The following ZNF608 variants were observed in gnomAD, a reference collection of about 807,000 sequenced individuals.
The protein encoded by ZNF608 is zinc finger protein 608, also known as renal carcinoma antigen NY-REN-36.
A neutral mutation model predicts 109.0 loss-of-function variants in ZNF608; 12 were observed. That is an observed-to-expected ratio of 0.11 (90% CI 0.07 to 0.18). The LOEUF (loss-of-function observed/expected upper bound fraction) is 0.18. Among genes scored for constraint, ZNF608 ranks in the 10% least tolerant of loss-of-function variants. ZNF608 has a pLI of 1.00. For synonymous variants in ZNF608, 732 were observed against 717.4 expected, an observed-to-expected ratio of 1.02 and a Z score of -0.33; for missense variants, 1,707 against 1,879.3, an observed-to-expected ratio of 0.91 and a Z score of 1.70.
Position 124,665,111 on chromosome 5 carries a change from G to A in ZNF608, c.1163-15414C>T, listed in dbSNP as rs141573381. On this transcript the variant is annotated intron_variant, in intron 3 of 9. Transcript: ENST00000513986. ...GAATGGCTTAAACCCAGGAGGCGGA[G>A]GTTGCAGTGAGATGAGATTGTGCCA... is the stretch of plus-strand genomic sequence containing the variant. 2.4e-3 allele frequency among the ~76,000 whole-genome samples: 361 copies of A among 151,958 alleles called. 2 individuals carry two copies. The highest frequency in any genetic ancestry group is 8.0e-3 in the African/African-American group (333 of 41,384).
Position 124,649,706 on chromosome 5 carries a change from G to A in ZNF608, c.1163-9C>T. The A allele has an allele frequency of 2.6e-6, 4 of 1,555,570 alleles. No individual in the cohort carries two copies. The highest frequency in any genetic ancestry group is 3.5e-6 in the Non-Finnish European group (4 of 1,142,782). ...ATTGACCACTAGGACACCTGCAGGA[G>A]GCAGGGGATGAAAAAGGATCATAGT... On this transcript the variant is annotated splice_polypyrimidine_tract_variant and intron_variant, in intron 3 of 9. Coordinates refer to ENST00000513986, the MANE Select transcript of ZNF608 (RefSeq NM_020747.3).
At chr5:124,695,197 C>T (rs1752799564) in intron 3 of ZNF608, among the ~76,000 whole-genome samples, 1 of 152,182 alleles carries the variant, frequency 6.6e-6, no homozygotes, top group African/African-American at 2.4e-5. Flanking sequence ...GAAATACAGA[C>T]ATCTTATTCC....
At chr5:124,658,892 T>C (rs1751126209) in intron 3 of ZNF608, among the ~76,000 whole-genome samples, 1 of 152,206 alleles carries the variant, frequency 6.6e-6, no homozygotes, top group South Asian at 2.1e-4. Flanking sequence ...AGGCCTACTA[T>C]GAGCCATAAT....
intron 2 of ZNF608, among the ~76,000 whole-genome samples, chr5:124,739,443 C>T (rs1032172523): frequency 2.0e-5 from 3 of 152,182 alleles, no homozygotes; most frequent in Non-Finnish European, 4.4e-5. Flanking sequence ...AACTGATAAA[C>T]GCTGACCAGA....
chr5:124,667,761 T>C (rs1016857412), intron 3 of ZNF608, among the ~76,000 whole-genome samples: 1 of 152,220 alleles, frequency 6.6e-6, no homozygotes, highest in Non-Finnish European at 1.5e-5. Flanking sequence ...TACTATATTA[T>C]GGTATCTCTA....
At chr5:124,717,263 C>G (rs914834684) in intron 2 of ZNF608, among the ~76,000 whole-genome samples, 2 of 151,916 alleles carry the variant, frequency 1.3e-5, no homozygotes, top group Non-Finnish European at 2.9e-5. Flanking sequence ...GTCGGGAGTT[C>G]GAGACCCACC....
chr5:124,715,339 A>C (rs1057453219), intron 2 of ZNF608, among the ~76,000 whole-genome samples: 1 of 152,244 alleles, frequency 6.6e-6, no homozygotes, highest in Non-Finnish European at 1.5e-5. Context: ...CTCTCTTGGC[A>C]TCACGTTTCC....
rs34192958 is a variant in ZNF608 at position 124,741,394 on chromosome 5, GAAAAAAAAA to G, written c.906+2681_906+2689del. Among the ~76,000 whole-genome samples, 18 of 68,428 alleles carry G rather than the reference GAAAAAAAAA, an allele frequency of 2.6e-4. 1 individual carries two copies. The highest frequency in any genetic ancestry group is 8.0e-4 in the African/African-American group (14 of 17,572). The allele number at this position is 68,428 out of a possible 152,430, so 44.9% of individuals were successfully genotyped here. Reference sequence around the variant, plus strand: ...GAATCTCCTGTGAACCTTCCAACCAGAAAAAAAAAAAAAAAAAAAAAAAAATGCACACAC... The same window carrying G: ...GAATCTCCTGTGAACCTTCCAACCAGAAAAAAAAAAAAAAAATGCACACAC... On this transcript the variant is annotated intron_variant, in intron 2 of 9. Transcript: ENST00000513986.
intron 3 of ZNF608, among the ~76,000 whole-genome samples, chr5:124,681,387 G>A (rs1752190465): frequency 6.6e-6 from 1 of 152,112 alleles, no homozygotes; most frequent in Non-Finnish European, 1.5e-5. Flanking sequence ...AACTAAGGAG[G>A]CGAAGGTTTC....
Position 124,744,068 on chromosome 5 carries a change from G to A in ZNF608, c.906+16C>T. 1.3e-6 allele frequency: 2 copies of A among 1,564,014 alleles called. No individual in the cohort carries two copies. Among genetic ancestry groups the A allele is most frequent in the Non-Finnish European group, 1.7e-6 (2 of 1,155,046 alleles). The stretch of plus-strand genomic sequence containing the variant: ...CAGAGGAGAGTAGGACATCTAGGAA[G>A]GCGACTTTATCCTACCTTCTCAGTT... On this transcript the variant is annotated intron_variant, in intron 2 of 9. Coordinates refer to ENST00000513986, the MANE Select transcript of ZNF608 (RefSeq NM_020747.3). This position sits in a 1 kb window ranked among gnomAD's most constrained non-coding sequence, Gnocchi z 4.5.
chr5:124,676,229 G>A (rs1398673954), intron 3 of ZNF608, among the ~76,000 whole-genome samples: 2 of 152,194 alleles, frequency 1.3e-5, no homozygotes, highest in African/African-American at 2.4e-5. Flanking sequence ...AGCCATCTGA[G>A]GGGCGAGTGC....
Position 124,643,760 on chromosome 5 carries a change from G to A in ZNF608, c.4124-77C>T, listed in dbSNP as rs997034077. On this transcript the variant is annotated intron_variant, in intron 6 of 9. Transcript: ENST00000513986. ...AAAATCATTTGGGTTACATGAATTT[G>A]GGATAAGAGTCAAAGAGATCTTAAA... 13 of 1,468,768 alleles carry A rather than the reference G, an allele frequency of 8.9e-6. No homozygotes were observed. In the African/African-American group the frequency reaches 1.7e-4, roughly 19 times the overall value. 91.0% of individuals were successfully genotyped at this position (1,468,768 alleles called of 1,614,324 possible).
chr5:124,672,727 A>G (rs1474536932), intron 3 of ZNF608, among the ~76,000 whole-genome samples: 1 of 152,242 alleles, frequency 6.6e-6, no homozygotes, highest in African/African-American at 2.4e-5. Context: ...ACCAGGGGAA[A>G]AGTGATTACC....
intron 2 of ZNF608, among the ~76,000 whole-genome samples, chr5:124,727,073 A>G (rs1748642713): frequency 6.6e-6 from 1 of 152,222 alleles, no homozygotes; most frequent in Admixed American, 6.5e-5. Flanking sequence ...CTACACTTCA[A>G]CTTCATCCCT....
intron 3 of ZNF608, among the ~76,000 whole-genome samples, chr5:124,669,038 C>T (rs1424477567): frequency 6.6e-6 from 1 of 152,000 alleles, no homozygotes; most frequent in Non-Finnish European, 1.5e-5. Flanking sequence ...TTGCAAAGGG[C>T]ATACTGCTAA....
At chr5:124,688,376 G>A (rs1298043648) in intron 3 of ZNF608, among the ~76,000 whole-genome samples, 1 of 152,112 alleles carries the variant, frequency 6.6e-6, no homozygotes. Context: ...TTACTATAAG[G>A]AGAAAGTCTC....
intron 3 of ZNF608, among the ~76,000 whole-genome samples, chr5:124,698,316 G>A (rs1171195448): frequency 6.6e-6 from 1 of 152,198 alleles, no homozygotes; most frequent in Non-Finnish European, 1.5e-5. Flanking sequence ...CTTGCAAATG[G>A]TTGCACATTA....
At chr5:124,641,019 C>G (rs914888934) in intron 8 of ZNF608, among the ~76,000 whole-genome samples, 4 of 152,170 alleles carry the variant, frequency 2.6e-5, no homozygotes, top group African/African-American at 7.2e-5. Context: ...TAACAGTAAG[C>G]TGCCGATAAC....
chr5:124,679,773 G>A (rs192915509), intron 3 of ZNF608, among the ~76,000 whole-genome samples: 2 of 152,310 alleles, frequency 1.3e-5, no homozygotes, highest in African/African-American at 4.8e-5. Flanking sequence ...ACCCTGCCCC[G>A]TGGCTTGGTG....
Sources: allele counts gnomAD v4.1 joint callset (sites outside exome capture counted in the v4.1 genomes callset), GRCh38; gene constraint gnomAD v4.1.1; non-coding constraint Gnocchi (gnomAD v3.1); transcripts MANE v1.5; gene names NCBI Gene and HGNC (gene_info 2026-07-23, HGNC 2026-07-21).